The following POU2F1 variants were observed in gnomAD, a reference collection of about 807,000 sequenced individuals.
The protein encoded by POU2F1 is POU domain, class 2, transcription factor 1.
Under a neutral mutation model 84.9 loss-of-function variants are expected in POU2F1, and 16 were observed. That is an observed-to-expected ratio of 0.19 (90% CI 0.13 to 0.29). The LOEUF is 0.29. Among genes scored for constraint, POU2F1 ranks in the 10% least tolerant of loss-of-function variants. The pLI is 1.00. For synonymous variants in POU2F1, 368 were observed against 368.3 expected (o/e 1.00, Z 0.01); for missense variants, 738 against 942.6 (o/e 0.78, Z 2.84).
Position 167,220,931 on chromosome 1 carries a change from A to C in POU2F1, c.34A>C (p.Ser12Arg), listed in dbSNP as rs1477233767. The change falls in exon 1 of 16, where the codon AGT (serine) becomes CGT (arginine). Residue 12 changes from serine (S) to arginine (R), a missense_variant. This residue lies in a region of POU2F1 where 161 missense variants were observed against 147.0 expected (regional missense o/e 1.10). Transcript: ENST00000367866. The stretch of plus-strand genomic sequence containing the variant: ...CGGAGGAGCAGCGAGTCAAGATGAG[A>C]GTTCAGCCGCGGCGGCAGCAGCAGC... ...ADGGAASQDE[S>R]SAAAAAAADS... The C allele has an allele frequency of 2.6e-6, 4 of 1,535,226 alleles. No homozygotes were observed. The highest frequency in any genetic ancestry group is 2.7e-5 in the African/African-American group (2 of 72,998).
chr1:167,295,948 AG>A (rs745804256), intron 1 of POU2F1, among the ~76,000 whole-genome samples: 3 of 152,110 alleles, frequency 2.0e-5, no homozygotes, highest in East Asian at 3.8e-4. Context: ...TCAGAAAGGG[AG>A]GGTGTATAGT....
chr1:167,270,547 C>CAG (rs769073935), intron 1 of POU2F1, among the ~76,000 whole-genome samples: 26 of 151,896 alleles, frequency 1.7e-4, no homozygotes, highest in South Asian at 4.2e-4. Flanking sequence ...AGAGAAGAGA[C>CAG]AGAGAGAGAG....
At chr1:167,247,036 ATATGTGTGTG>A (rs1485699816) in intron 1 of POU2F1, among the ~76,000 whole-genome samples, 52 of 143,456 alleles carry the variant, frequency 3.6e-4, no homozygotes, top group East Asian at 1.8e-3. Context: ...GGTTATATAT[ATATGTGTGTG>A]TGTGTGTGTG....
Position 167,422,899 on chromosome 1 carries a change from T to G in POU2F1, c.*7089T>G, listed in dbSNP as rs1439830680. 1 of 152,240 alleles carries G rather than the reference T, an allele frequency of 6.6e-6. No homozygotes were observed. Among genetic ancestry groups the G allele is most frequent in the African/African-American group, 2.4e-5 (1 of 41,458 alleles). 9.4% of individuals were successfully genotyped at this position (152,240 alleles called of 1,614,324 possible). ...AGTCCCCTGCTTTTTGAAGGAAGTC[T>G]TCTTGGTTATCCTGGCTTTGGAAAA... On this transcript the variant is annotated 3_prime_UTR_variant, in exon 16 of 16. Coordinates refer to ENST00000367866, the MANE Select transcript of POU2F1 (RefSeq NM_002697.4).
chr1:167,233,358 C>G (rs1310408727), intron 1 of POU2F1, among the ~76,000 whole-genome samples: 2 of 150,230 alleles, frequency 1.3e-5, no homozygotes, highest in East Asian at 3.9e-4. Context: ...GGCTGGTCTT[C>G]AACTCCTGGA....
At chr1:167,358,255 AG>A (rs1659106183) in intron 2 of POU2F1, among the ~76,000 whole-genome samples, 9 of 147,900 alleles carry the variant, frequency 6.1e-5, no homozygotes, top group African/African-American at 2.0e-4. Flanking sequence ...CAGACTCCCT[AG>A]ATCTACCTTA....
chr1:167,259,880 G>A (rs947242126), intron 1 of POU2F1, among the ~76,000 whole-genome samples: 7 of 151,248 alleles, frequency 4.6e-5, no homozygotes, highest in African/African-American at 1.2e-4. Flanking sequence ...TGATCATTGC[G>A]TTTCTTTTTT....
chr1:167,346,599 C>T (rs1658220640), intron 2 of POU2F1, among the ~76,000 whole-genome samples: 2 of 152,182 alleles, frequency 1.3e-5, no homozygotes, highest in South Asian at 4.1e-4. Context: ...GAATGCACCA[C>T]CTAGATCCCT....
At chr1:167,232,415 T>C (rs2102344081) in intron 1 of POU2F1, among the ~76,000 whole-genome samples, 1 of 152,266 alleles carries the variant, frequency 6.6e-6, no homozygotes, top group East Asian at 1.9e-4. Context: ...ATTTAAAAGG[T>C]AAAAATTTAA....
intron 2 of POU2F1, among the ~76,000 whole-genome samples, chr1:167,350,225 A>G (rs1658464671): frequency 6.6e-6 from 1 of 152,222 alleles, no homozygotes; most frequent in Non-Finnish European, 1.5e-5. Context: ...CCCTGCAAGT[A>G]GGATCATATC....
At chr1:167,225,764 C>T (rs1318062885) in intron 1 of POU2F1, among the ~76,000 whole-genome samples, 2 of 152,070 alleles carry the variant, frequency 1.3e-5, no homozygotes, top group Non-Finnish European at 2.9e-5. Flanking sequence ...TGAATGTTTC[C>T]TTTGTACTTG....
chr1:167,351,517 C>G (rs1658563322), intron 2 of POU2F1, among the ~76,000 whole-genome samples: 2 of 38,290 alleles, frequency 5.2e-5, no homozygotes, highest in Non-Finnish European at 9.4e-5. Context: ...GAAGCACCAT[C>G]TCAAAAAAAA....
At chr1:167,317,683 C>T (rs1656008208) in intron 1 of POU2F1, among the ~76,000 whole-genome samples, 1 of 152,236 alleles carries the variant, frequency 6.6e-6, no homozygotes, top group Non-Finnish European at 1.5e-5. Flanking sequence ...AGCAGTTTTC[C>T]ATCCTGGGTG....
chr1:167,386,802 A>G lies in POU2F1; in HGVS notation c.814-2786A>G, dbSNP rs61806122. On this transcript the variant is annotated intron_variant, in intron 8 of 15. Coordinates refer to ENST00000367866, the MANE Select transcript of POU2F1 (RefSeq NM_002697.4). ...CTGCATACAGTATGATTCAATGCACATGGCATTTTAGAAAAGACAAAACTA... is the reference window on the plus strand; with the variant it reads ...CTGCATACAGTATGATTCAATGCACGTGGCATTTTAGAAAAGACAAAACTA... Among the ~76,000 whole-genome samples the G allele has an allele frequency of 3.0e-3, 451 of 152,348 alleles. 2 individuals carry two copies. Among genetic ancestry groups the G allele is most frequent in the Non-Finnish European group, 4.7e-3 (323 of 68,028 alleles).
chr1:167,424,455 T>C lies in POU2F1; in HGVS notation c.*8645T>C, dbSNP rs1338031226. On this transcript the variant is annotated 3_prime_UTR_variant, in exon 16 of 16. Transcript: ENST00000367866. ...ACTTCCATCCCCTCATCTGTGGTAG[T>C]AGTGAAGGCTAGGTGAGTAAGCGTG... 6.6e-6 allele frequency: 1 copy of C among 152,290 alleles called. No homozygotes were observed. Among genetic ancestry groups the C allele is most frequent in the African/African-American group, 2.4e-5 (1 of 41,466 alleles). The allele number at this position is 152,290 out of a possible 1,614,324, so 9.4% of individuals were successfully genotyped here. A position where few individuals can be genotyped will look rare whatever the true frequency, so the allele number is the denominator to read the frequency against.
chr1:167,413,176 TG>T, intron 15 of POU2F1, 62 bp downstream of exon 15: 1 of 1,345,940 alleles, frequency 7.4e-7, no homozygotes, highest in Non-Finnish European at 1.1e-6. Context: ...TGTGTGTGTG[TG>T]TGTGTGTGTG....
At position 167,372,052 on chromosome 1, in the gene POU2F1, G is replaced by A. The variant is rs912139525; in HGVS notation, c.402+16G>A. The A allele has an allele frequency of 6.2e-7, 1 of 1,604,456 alleles. No homozygotes were observed. Among genetic ancestry groups the A allele is most frequent in the Non-Finnish European group, 8.5e-7 (1 of 1,175,706 alleles). ...GATAACTGGGGTAAGTGTTCACTGA[G>A]AGAATTATAACAAACTTTTTCTGTG... On this transcript the variant is annotated intron_variant, in intron 5 of 15. Coordinates refer to ENST00000367866, the MANE Select transcript of POU2F1 (RefSeq NM_002697.4).
At chr1:167,254,315 G>A (rs1189996664) in intron 1 of POU2F1, among the ~76,000 whole-genome samples, 4 of 152,142 alleles carry the variant, frequency 2.6e-5, no homozygotes, top group African/African-American at 9.7e-5. Flanking sequence ...ATGTGCTTTA[G>A]CTGCAATATA....
At chr1:167,413,992 A>G (rs1385817461) in intron 15 of POU2F1, among the ~76,000 whole-genome samples, 3 of 152,056 alleles carry the variant, frequency 2.0e-5, no homozygotes, top group African/African-American at 7.2e-5. Context: ...GTTTCTAAAA[A>G]AAAAAAAAAA....
Sources: gnomAD v4.1 joint callset for allele counts (sites outside exome capture counted in the v4.1 genomes callset) on GRCh38, gnomAD v4.1.1 for gene constraint, gnomAD v4.1.1 regional missense constraint, MANE v1.5 for transcripts, NCBI Gene and HGNC (gene_info 2026-07-23, HGNC 2026-07-21) for gene names.